The following TUFT1 variants were observed in gnomAD, a reference collection of about 807,000 sequenced individuals.
TUFT1 encodes the protein tuftelin 1.
A neutral mutation model predicts 57.8 loss-of-function variants in TUFT1; 43 were observed. The ratio of observed to expected loss-of-function variants is 0.74; its 90% CI spans 0.58 to 0.96. The LOEUF (loss-of-function observed/expected upper bound fraction) is 0.96, where lower values mean the gene tolerates loss of function less well. Among genes scored for constraint, TUFT1 ranks in the 40% least tolerant of loss-of-function variants. TUFT1 has a pLI of 0.00. For missense variants in TUFT1, 459 were observed against 489.0 expected (o/e 0.94, Z 0.58); for synonymous variants, 166 against 176.7 (o/e 0.94, Z 0.48).
At chr1:151,553,745 G>A (rs1040355311) in intron 1 of TUFT1, among the ~76,000 whole-genome samples, 4 of 152,164 alleles carry the variant, frequency 2.6e-5, no homozygotes, top group African/African-American at 4.8e-5. Flanking sequence ...ATTTTCCAGC[G>A]ATTGTGTTGC....
At chr1:151,555,066 T>C (rs949205764) in intron 1 of TUFT1, among the ~76,000 whole-genome samples, 1 of 141,324 alleles carries the variant, frequency 7.1e-6, no homozygotes, top group African/African-American at 2.6e-5. Flanking sequence ...GGTGGCTCAC[T>C]CCTGTAATCC....
At chr1:151,580,821 A>G in intron 11 of TUFT1, 121 bp from the exon 12 acceptor site, 1 of 807,942 alleles carries the variant, frequency 1.2e-6, no homozygotes, top group Non-Finnish European at 2.1e-6. Context: ...GGTGGCACGC[A>G]TGGTGGGGGT....
At chr1:151,542,452 G>A (rs902558745) in intron 1 of TUFT1, among the ~76,000 whole-genome samples, 2 of 150,068 alleles carry the variant, frequency 1.3e-5, no homozygotes, top group African/African-American at 4.9e-5. Flanking sequence ...GGCTAGTCTC[G>A]AACTCCTGGG....
intron 5 of TUFT1, 185 bp from the exon 6 acceptor site, chr1:151,565,978 T>G: frequency 4.1e-6 from 2 of 485,792 alleles, no homozygotes; most frequent in African/African-American, 1.9e-5. Flanking sequence ...TTCTTCCTCT[T>G]CTCCTTTCTT....
chr1:151,553,783 AGTGTCGGTT>A (rs1665585720), intron 1 of TUFT1, among the ~76,000 whole-genome samples: 1 of 151,764 alleles, frequency 6.6e-6, no homozygotes, highest in African/African-American at 2.4e-5. Flanking sequence ...AGTGTCTCAG[AGTGTCGGTT>A]GTTCCACATC....
At chr1:151,561,463 G>GCACACACACACACACACACA (rs1318954660) in intron 1 of TUFT1, 1 of 97,344 alleles carries the variant, frequency 1.0e-5, no homozygotes, top group South Asian at 4.5e-4. Flanking sequence ...GCAGTCATGC[G>GCACACACACACACACACACA]CGCGCGCGCG....
chr1:151,548,027 A>G (rs994591320), intron 1 of TUFT1, among the ~76,000 whole-genome samples: 3 of 152,206 alleles, frequency 2.0e-5, no homozygotes, highest in Admixed American at 2.0e-4. Flanking sequence ...TTTGTTGGCT[A>G]ATCTGGGGAG....
chr1:151,557,127 T>G (rs1571696098), intron 1 of TUFT1, among the ~76,000 whole-genome samples: 1 of 152,184 alleles, frequency 6.6e-6, no homozygotes, highest in Non-Finnish European at 1.5e-5. Context: ...TTGAGTGTTA[T>G]CTCTTTGTAT....
chr1:151,572,854 G>A (rs913758972), intron 7 of TUFT1, among the ~76,000 whole-genome samples: 12 of 152,162 alleles, frequency 7.9e-5, no homozygotes, highest in African/African-American at 2.7e-4. Context: ...GACCTTGGGA[G>A]GGGCTGGACG....
chr1:151,550,248 G>A (rs1233076531), intron 1 of TUFT1, among the ~76,000 whole-genome samples: 1 of 151,854 alleles, frequency 6.6e-6, no homozygotes, highest in African/African-American at 2.4e-5. Context: ...GGCCAGGCTG[G>A]CCTTGAACTC....
Position 151,561,718 on chromosome 1 carries a change from G to T in TUFT1, c.61-373G>T, listed in dbSNP as rs185425473. 3.6e-4 allele frequency: 466 copies of T among 1,302,540 alleles called. 2 individuals carry two copies. The East Asian group carries it at 0.016, about 44-fold the overall frequency. 80.7% of individuals were successfully genotyped at this position (1,302,540 alleles called of 1,614,324 possible). On this transcript the variant is annotated intron_variant, in intron 1 of 12. Transcript: ENST00000368849. ...CAATAACTTGCTGGCTGGTTGTCAGGAGCAGAAATTCTGGATTGAGGATGA... is the reference window on the plus strand; with the variant it reads ...CAATAACTTGCTGGCTGGTTGTCAGTAGCAGAAATTCTGGATTGAGGATGA...
chr1:151,550,329 G>A (rs1377422051), intron 1 of TUFT1, among the ~76,000 whole-genome samples: 1 of 152,128 alleles, frequency 6.6e-6, no homozygotes, highest in Admixed American at 6.5e-5. Flanking sequence ...CACTGTGCCT[G>A]GCCCAAATAG....
chr1:151,581,832 C>G lies in TUFT1; in HGVS notation c.*125C>G, dbSNP rs1666655472. 2 of 966,472 alleles carry G rather than the reference C, an allele frequency of 2.1e-6. No homozygotes were observed. Among genetic ancestry groups the G allele is most frequent in the Admixed American group, 4.0e-5 (2 of 49,732 alleles). The allele number at this position is 966,472 out of a possible 1,614,324, so 59.9% of individuals were successfully genotyped here. A position where few individuals can be genotyped will look rare whatever the true frequency, so the allele number is the denominator to read the frequency against. On this transcript the variant is annotated 3_prime_UTR_variant, in exon 13 of 13. Transcript: ENST00000368849. ...CCCTGGCTGCACCCAGGACTTCGGG[C>G]TCCTGTGTCTCACCATTCCCAAGCC...
chr1:151,551,523 T>G (rs1665509137), intron 1 of TUFT1, among the ~76,000 whole-genome samples: 1 of 151,866 alleles, frequency 6.6e-6, no homozygotes, highest in Admixed American at 6.6e-5. Flanking sequence ...GGGATAAGGG[T>G]CGGACCCTCA....
At chr1:151,578,697 C>T (rs1268935392) in intron 9 of TUFT1, 24 bp from the exon 10 acceptor site, 17 of 1,538,398 alleles carry the variant, frequency 1.1e-5, no homozygotes, top group Middle Eastern at 2.0e-4. Context: ...TCCATTGCCT[C>T]AGCCTTCTGG....
chr1:151,575,621 G>A (rs796610301), intron 9 of TUFT1, among the ~76,000 whole-genome samples: 11 of 152,296 alleles, frequency 7.2e-5, no homozygotes, highest in African/African-American at 2.6e-4. Context: ...AGCCTACAGA[G>A]CAAAGATTGT....
At position 151,562,090 on chromosome 1, in the gene TUFT1, G is replaced by A; in HGVS notation, c.61-1G>A. 2 of 1,613,998 alleles carry A rather than the reference G, an allele frequency of 1.2e-6. No individual in the cohort carries two copies. The highest frequency in any genetic ancestry group is 1.7e-6 in the Non-Finnish European group (2 of 1,179,858). ...ATTGTTGCTGTCATTGTCATTATTA[G>A]GGCAGCGTGGACATTCTCAGGCTGA... On this transcript the variant is annotated splice_acceptor_variant, in intron 1 of 12. Transcript: ENST00000368849. LOFTEE classifies it high-confidence loss of function.
chr1:151,564,299 T>A (rs1263357028), intron 4 of TUFT1, among the ~76,000 whole-genome samples: 1 of 152,178 alleles, frequency 6.6e-6, no homozygotes, highest in Admixed American at 6.6e-5. Context: ...TATGCCCATA[T>A]AACATATTAC....
intron 11 of TUFT1, 102 bp from the exon 12 acceptor site, chr1:151,580,840 C>A: frequency 9.8e-7 from 1 of 1,021,026 alleles, no homozygotes; most frequent in Non-Finnish European, 1.5e-6. Flanking sequence ...GTAGAGGCAA[C>A]AGCAGCATAA....
Sources: gnomAD v4.1 joint callset for allele counts (sites outside exome capture counted in the v4.1 genomes callset) on GRCh38, gnomAD v4.1.1 for gene constraint, MANE v1.5 for transcripts, NCBI Gene and HGNC (gene_info 2026-07-23, HGNC 2026-07-21) for gene names.